KLF5: variants seen among roughly 807,000 people sequenced by gnomAD.
KLF5 encodes KLF transcription factor 5.
KLF5 carries 9 observed loss-of-function variants against 36.9 expected under a neutral mutation model. The ratio of observed to expected loss-of-function variants is 0.24; its 90% CI spans 0.15 to 0.43. The LOEUF (loss-of-function observed/expected upper bound fraction) is 0.43. Among genes scored for constraint, KLF5 ranks in the 20% least tolerant of loss-of-function variants. The pLI is 1.00. For synonymous variants in KLF5, 246 were observed against 241.7 expected (o/e 1.02, Z -0.17); for missense variants, 524 against 599.5 (o/e 0.87, Z 1.31).
At chr13:73,068,734 C>A (rs950533456) in intron 3 of KLF5, among the ~76,000 whole-genome samples, 3 of 148,704 alleles carry the variant, frequency 2.0e-5, no homozygotes, top group Non-Finnish European at 4.5e-5. Context: ...AAATTCCTTT[C>A]TAGGTCTTTG....
intron 3 of KLF5, among the ~76,000 whole-genome samples, chr13:73,068,479 G>A (rs1414482176): frequency 1.3e-5 from 2 of 152,092 alleles, no homozygotes; most frequent in African/African-American, 4.8e-5. Flanking sequence ...CGAAGCAGGT[G>A]GATCACCTGA....
upstream of KLF5, among the ~76,000 whole-genome samples, chr13:73,055,505 A>C (rs982474338): frequency 6.6e-6 from 1 of 152,182 alleles, no homozygotes; most frequent in South Asian, 2.1e-4. Flanking sequence ...TTAAATTCCA[A>C]CTAATCTCAG....
intron 3 of KLF5, among the ~76,000 whole-genome samples, chr13:73,065,871 C>T (rs1326824919): frequency 1.3e-5 from 2 of 152,202 alleles, no homozygotes; most frequent in Non-Finnish European, 2.9e-5. Flanking sequence ...TAGCCTTTCA[C>T]CCCGTCAGGG....
At chr13:73,059,665 A>T in intron 1 of KLF5, 77 bp downstream of exon 1, 1 of 1,038,572 alleles carries the variant, frequency 9.6e-7, no homozygotes. Flanking sequence ...CGCGGGCGAC[A>T]GGGGCCGCTC....
upstream of KLF5, among the ~76,000 whole-genome samples, chr13:73,056,922 CTTAG>C (rs1008055237): frequency 5.6e-5 from 8 of 141,874 alleles, no homozygotes; most frequent in African/African-American, 2.0e-4. Flanking sequence ...ATATTAAAAA[CTTAG>C]TTGTATGGTT....
intron 1 of KLF5, 149 bp downstream of exon 1, chr13:73,059,737 A>C: frequency 1.4e-6 from 1 of 720,604 alleles, no homozygotes; most frequent in Non-Finnish European, 1.7e-6. Context: ...CCCGCCCTGC[A>C]CGCCTGGCCG....
chr13:73,067,079 AT>A (rs2044685731), intron 3 of KLF5, among the ~76,000 whole-genome samples: 1 of 152,168 alleles, frequency 6.6e-6, no homozygotes, highest in Non-Finnish European at 1.5e-5. Flanking sequence ...CTAGGTAACA[AT>A]GTCAATGAGT....
At position 73,059,308 on chromosome 13, in the gene KLF5, A is replaced by G; in HGVS notation, c.-20A>G. ...GGAAGTGCGCCCGACCCGCGCCTGG[A>G]GCTGCGCCCCCGAGTGCCCATGGCT... On this transcript the variant is annotated 5_prime_UTR_variant, in exon 1 of 4. Coordinates refer to ENST00000377687, the MANE Select transcript of KLF5 (RefSeq NM_001730.5). 5 of 1,354,828 alleles carry G rather than the reference A, an allele frequency of 3.7e-6. No individual in the cohort carries two copies. Among genetic ancestry groups the G allele is most frequent in the Non-Finnish European group, 4.7e-6 (5 of 1,052,782 alleles). 83.9% of individuals were successfully genotyped at this position (1,354,828 alleles called of 1,614,324 possible).
intron 3 of KLF5, among the ~76,000 whole-genome samples, chr13:73,073,426 T>G (rs2044736309): frequency 6.6e-6 from 1 of 152,218 alleles, no homozygotes; most frequent in Non-Finnish European, 1.5e-5. Context: ...TTTAGAAACT[T>G]TAATGGCTAC....
At chr13:73,063,508 A>T (rs1393407818) in intron 2 of KLF5, among the ~76,000 whole-genome samples, 5 of 152,220 alleles carry the variant, frequency 3.3e-5, no homozygotes, top group Admixed American at 3.3e-4. Flanking sequence ...AGCCATTAAA[A>T]TTTTTAAAAA....
At chr13:73,055,879 G>A (rs1253035905), upstream of KLF5, among the ~76,000 whole-genome samples, 1 of 152,066 alleles carries the variant, frequency 6.6e-6, no homozygotes, top group African/African-American at 2.4e-5. Flanking sequence ...AGTGAATACA[G>A]TTTTGTTGGC....
chr13:73,056,104 G>A (rs2044581842), upstream of KLF5, among the ~76,000 whole-genome samples: 1 of 149,898 alleles, frequency 6.7e-6, no homozygotes, highest in Non-Finnish European at 1.5e-5. Context: ...CCCCAACATT[G>A]AATGCCTGTT....
Position 73,062,323 on chromosome 13 carries a change from T to C in KLF5, c.724T>C (p.Ser242Pro). Residue 242 changes from serine to proline, a missense_variant, in exon 2 of 4, where the codon TCT becomes CCT. Around this residue, in one of 4 missense-constraint regions of KLF5, gnomAD observed 454 missense variants for 458.1 expected, o/e 0.99. Coordinates refer to ENST00000377687, the MANE Select transcript of KLF5 (RefSeq NM_001730.5). ...TACACCGGATCTAGATATGCCCAGT[T>C]CTACAAATCAGACAGCAGCAATGGA... is the stretch of plus-strand genomic sequence containing the variant. ...LNTPDLDMPS[S>P]TNQTAAMDTL... The C allele has an allele frequency of 1.2e-6, 2 of 1,614,152 alleles. No homozygotes were observed. Among genetic ancestry groups the C allele is most frequent in the Middle Eastern group, 1.6e-4 (1 of 6,062 alleles).
intron 1 of KLF5, chr13:73,060,448 G>A (rs976976119): frequency 6.6e-6 from 1 of 152,216 alleles, no homozygotes; most frequent in African/African-American, 2.4e-5. Context: ...CGCAGTGCAC[G>A]AAAGGGTTTA....
chr13:73,064,993 TAAAGA>T (rs2044669131), intron 3 of KLF5, among the ~76,000 whole-genome samples: 1 of 152,196 alleles, frequency 6.6e-6, no homozygotes, highest in Non-Finnish European at 1.5e-5. Flanking sequence ...AGAGCAGCCC[TAAAGA>T]AAAGAACTTA....
intron 3 of KLF5, among the ~76,000 whole-genome samples, chr13:73,072,682 G>A (rs979958483): frequency 2.0e-5 from 3 of 152,190 alleles, no homozygotes; most frequent in Non-Finnish European, 4.4e-5. Context: ...GTGAGGAAGC[G>A]AGATAATGAG....
intron 3 of KLF5, among the ~76,000 whole-genome samples, chr13:73,073,357 A>G (rs1354928199): frequency 6.6e-6 from 1 of 152,238 alleles, no homozygotes; most frequent in Non-Finnish European, 1.5e-5. Context: ...AGACACTGGT[A>G]GTATTCTTGG....
At chr13:73,060,654 C>T (rs1235138316) in intron 1 of KLF5, 1 of 152,164 alleles carries the variant, frequency 6.6e-6, no homozygotes, top group South Asian at 2.1e-4. Context: ...CCGTCCGCAT[C>T]CACACCAAGG....
chr13:73,076,172 T>C lies in KLF5; in HGVS notation c.*286T>C, dbSNP rs41286080. 1 of 267,722 alleles carries C rather than the reference T, an allele frequency of 3.7e-6. No homozygotes were observed. Among genetic ancestry groups the C allele is most frequent in the Non-Finnish European group, 6.9e-6 (1 of 144,902 alleles). The allele number at this position is 267,722 out of a possible 1,614,324, so 16.6% of individuals were successfully genotyped here. A position where few individuals can be genotyped will look rare whatever the true frequency, so the allele number is the denominator to read the frequency against. On this transcript the variant is annotated 3_prime_UTR_variant, in exon 4 of 4. Coordinates refer to ENST00000377687, the MANE Select transcript of KLF5 (RefSeq NM_001730.5). ...TCTCAACATGGGTAAGGGGTGGGGG[T>C]GGAGGGGAGTGTGTGCAGCGTTTTT...
Sources: gnomAD v4.1 joint callset for allele counts (sites outside exome capture counted in the v4.1 genomes callset) on GRCh38, gnomAD v4.1.1 for gene constraint, gnomAD v4.1.1 regional missense constraint, MANE v1.5 for transcripts, NCBI Gene and HGNC (gene_info 2026-07-23, HGNC 2026-07-21) for gene names.